The following TMEM232 variants were observed in gnomAD, a reference collection of about 807,000 sequenced individuals.
The protein encoded by TMEM232 is transmembrane protein 232.
In TMEM232, 80 loss-of-function variants were observed where a neutral mutation model predicts 78.8. The observed-to-expected ratio is 1.01, with a 90% CI of 0.85 to 1.22. The LOEUF (loss-of-function observed/expected upper bound fraction) is 1.22, where lower values mean the gene tolerates loss of function less well. TMEM232 is among the 50% of genes most tolerant of loss of function. The pLI is 0.00. For synonymous variants in TMEM232, 297 were observed against 254.3 expected (o/e 1.17, Z -1.60); for missense variants, 881 against 742.2 (o/e 1.19, Z -2.17).
intron 10 of TMEM232, among the ~76,000 whole-genome samples, chr5:110,598,430 A>T (rs556153067): frequency 7.9e-5 from 12 of 152,310 alleles, no homozygotes; most frequent in African/African-American, 2.9e-4. Flanking sequence ...AAACTAGTTC[A>T]ACCATTGTGG....
intron 2 of TMEM232, among the ~76,000 whole-genome samples, chr5:110,407,573 ATAG>A (rs1404872459): frequency 4.6e-5 from 7 of 152,206 alleles, no homozygotes; most frequent in African/African-American, 1.4e-4. Context: ...CTGCAATATA[ATAG>A]TAGTATAGGG....
intron 12 of TMEM232, among the ~76,000 whole-genome samples, chr5:110,444,599 C>T (rs1462125851): frequency 1.3e-5 from 2 of 152,190 alleles, no homozygotes; most frequent in Non-Finnish European, 2.9e-5. Context: ...GGATGGTGAA[C>T]AGTGTAGGCT....
At chr5:110,402,661 C>T (rs898131594) in intron 2 of TMEM232, among the ~76,000 whole-genome samples, 3 of 152,062 alleles carry the variant, frequency 2.0e-5, no homozygotes, top group African/African-American at 7.2e-5. Flanking sequence ...AGTAGAGTGA[C>T]AGTTCTAACA....
At chr5:110,518,951 C>G (rs1769090155) in intron 12 of TMEM232, among the ~76,000 whole-genome samples, 1 of 145,678 alleles carries the variant, frequency 6.9e-6, no homozygotes, top group Non-Finnish European at 1.5e-5. Flanking sequence ...AAAAAAAACA[C>G]ATAAAATAGA....
downstream of TMEM232, among the ~76,000 whole-genome samples, chr5:110,418,751 A>G (rs370045095): frequency 3.9e-5 from 6 of 152,168 alleles, no homozygotes; most frequent in East Asian, 9.6e-4. Flanking sequence ...CTAAGTCTGC[A>G]GTGAGGAGGC....
chr5:110,492,430 T>A (rs541724441), intron 12 of TMEM232, among the ~76,000 whole-genome samples: 2 of 151,996 alleles, frequency 1.3e-5, no homozygotes, highest in South Asian at 4.1e-4. Flanking sequence ...TCAAAAATTT[T>A]AAAAATATAT....
intron 12 of TMEM232, among the ~76,000 whole-genome samples, chr5:110,476,075 A>G (rs1485323508): frequency 6.6e-6 from 1 of 151,980 alleles, no homozygotes; most frequent in East Asian, 1.9e-4. Flanking sequence ...CCATTTCAAC[A>G]CTGAATTCTT....
intron 2 of TMEM232, among the ~76,000 whole-genome samples, chr5:110,660,766 G>A (rs6886061): frequency 0.25 from 37,283 of 151,994 alleles, 5,089 homozygotes; most frequent in African/African-American, 0.38. Context: ...AACATATAAT[G>A]TTTAATGATC....
chr5:110,603,175 C>T, intron 10 of TMEM232, among the ~76,000 whole-genome samples: 1 of 151,900 alleles, frequency 6.6e-6, no homozygotes, highest in East Asian at 1.9e-4. Context: ...AGCATTAGGA[C>T]AAATACCTAA....
intron 11 of TMEM232, among the ~76,000 whole-genome samples, chr5:110,537,289 A>T (rs896867259): frequency 7.0e-6 from 1 of 141,866 alleles, no homozygotes; most frequent in Non-Finnish European, 1.5e-5. Context: ...ATATATATAT[A>T]TATTTTTTTT....
chr5:110,591,667 T>A (rs1779551297), intron 10 of TMEM232, among the ~76,000 whole-genome samples: 1 of 152,124 alleles, frequency 6.6e-6, no homozygotes, highest in African/African-American at 2.4e-5. Context: ...AATTATTAGG[T>A]AATGAAAATA....
At position 110,669,947 on chromosome 5, in the gene TMEM232, A is replaced by T. The variant is rs546875369; in HGVS notation, c.-12-2583T>A. 7.6e-3 allele frequency among the ~76,000 whole-genome samples: 1,156 copies of T among 152,160 alleles called. 9 individuals are homozygous for T. The highest frequency in any genetic ancestry group is 0.012 in the Non-Finnish European group (791 of 67,996). ...AATTCAACAACCCTTCATGCTAAAA[A>T]CTCTCAATAAATTAGGTATTGATGG... On this transcript the variant is annotated intron_variant, in intron 1 of 13. Transcript: ENST00000455884.
At chr5:110,517,945 G>A (rs1407833687) in intron 12 of TMEM232, among the ~76,000 whole-genome samples, 1 of 151,988 alleles carries the variant, frequency 6.6e-6, no homozygotes, top group African/African-American at 2.4e-5. Flanking sequence ...CTCTAACTTT[G>A]CATATTGTCT....
chr5:110,397,222 T>C (rs1035147519), intron 3 of TMEM232, among the ~76,000 whole-genome samples: 15 of 152,260 alleles, frequency 9.9e-5, no homozygotes, highest in Non-Finnish European at 2.2e-4. Context: ...GATTAAACTC[T>C]TAGTTCCTCA....
chr5:110,693,669 G>A (rs1794412713), intron 1 of TMEM232, among the ~76,000 whole-genome samples: 1 of 152,202 alleles, frequency 6.6e-6, no homozygotes, highest in Admixed American at 6.5e-5. Context: ...ACAAGCCTCA[G>A]TAGCCGATGT....
chr5:110,461,648 A>G (rs1428533104), intron 12 of TMEM232, among the ~76,000 whole-genome samples: 1 of 152,220 alleles, frequency 6.6e-6, no homozygotes, highest in African/African-American at 2.4e-5. Flanking sequence ...AAAGAAGTCA[A>G]TGCTTGGCTT....
chr5:110,589,658 G>A (rs1358771466), intron 10 of TMEM232, among the ~76,000 whole-genome samples: 1 of 151,836 alleles, frequency 6.6e-6, no homozygotes, highest in East Asian at 1.9e-4. Context: ...TCGAAAATGG[G>A]GATAATATGA....
intron 3 of TMEM232, among the ~76,000 whole-genome samples, chr5:110,392,662 T>C (rs1464184955): frequency 1.3e-5 from 2 of 152,172 alleles, no homozygotes; most frequent in African/African-American, 4.8e-5. Flanking sequence ...AGGATATTAA[T>C]GACATCATGA....
At chr5:110,401,536 A>AGGGATTAG (rs1755597187) in intron 2 of TMEM232, among the ~76,000 whole-genome samples, 1 of 151,902 alleles carries the variant, frequency 6.6e-6, no homozygotes, top group Non-Finnish European at 1.5e-5. Flanking sequence ...CCATTAGGCC[A>AGGGATTAG]CCCCTGGGAA....
Sources: gnomAD v4.1 joint callset for allele counts (sites outside exome capture counted in the v4.1 genomes callset) on GRCh38, gnomAD v4.1.1 for gene constraint, MANE v1.5 for transcripts, NCBI Gene and HGNC (gene_info 2026-07-23, HGNC 2026-07-21) for gene names.